PRCP: variants seen among roughly 807,000 people sequenced by gnomAD.
PRCP encodes the protein lysosomal Pro-X carboxypeptidase.
In PRCP, 46 loss-of-function variants were observed where a neutral mutation model predicts 54.2. That is an observed-to-expected ratio of 0.85 (90% confidence interval 0.67 to 1.09). The LOEUF is 1.09. Ranked by LOEUF, PRCP falls within the 50% of genes least tolerant of loss-of-function variation. The pLI, the probability that PRCP is intolerant of heterozygous loss-of-function variation, is 0.00. For synonymous variants in PRCP, 240 were observed against 212.2 expected, an observed-to-expected ratio of 1.13 and a Z score of -1.14; for missense variants, 613 against 596.8, an observed-to-expected ratio of 1.03 and a Z score of -0.28.
rs1232459586 is a variant in PRCP at position 82,824,836 on chromosome 11, G to C, written c.*70C>G. On this transcript the variant is annotated 3_prime_UTR_variant, in exon 9 of 9. Transcript: ENST00000313010. ...AAACAAAAGAAGGTAATTACATGTA[G>C]AAAATCAAAGTGAATGGGAATGTGG... 2 of 1,446,090 alleles carry C rather than the reference G, an allele frequency of 1.4e-6. No homozygotes were observed. The highest frequency in any genetic ancestry group is 1.9e-6 in the Non-Finnish European group (2 of 1,054,746). The allele number at this position is 1,446,090 out of a possible 1,614,324, so 89.6% of individuals were successfully genotyped here.
intron 1 of PRCP, among the ~76,000 whole-genome samples, chr11:82,896,430 C>T (rs1297094805): frequency 6.6e-6 from 1 of 152,090 alleles, no homozygotes; most frequent in Admixed American, 6.5e-5. Flanking sequence ...CTTCCCCTCA[C>T]TTTGGGAGGC....
chr11:82,833,222 G>A (rs773702734), intron 8 of PRCP, among the ~76,000 whole-genome samples: 3 of 152,162 alleles, frequency 2.0e-5, no homozygotes, highest in Non-Finnish European at 4.4e-5. Flanking sequence ...CAATCTCATG[G>A]GGCAGATAGA....
At chr11:82,857,261 C>G (rs1859113828) in intron 2 of PRCP, among the ~76,000 whole-genome samples, 1 of 152,160 alleles carries the variant, frequency 6.6e-6, no homozygotes, top group Non-Finnish European at 1.5e-5. Context: ...TATAATGTGT[C>G]AGGCACTGTT....
At chr11:82,882,535 G>A (rs962994872) in intron 1 of PRCP, among the ~76,000 whole-genome samples, 1 of 134,474 alleles carries the variant, frequency 7.4e-6, no homozygotes, top group Non-Finnish European at 1.5e-5. Context: ...TCGCTCTGTC[G>A]CCCAGGCTGG....
At chr11:82,867,030 T>C (rs1366117355) in intron 1 of PRCP, among the ~76,000 whole-genome samples, 1 of 152,188 alleles carries the variant, frequency 6.6e-6, no homozygotes, top group Admixed American at 6.5e-5. Flanking sequence ...CCATAGATAA[T>C]TGCTCAACTG....
At chr11:82,864,527 G>A (rs748193110) in intron 1 of PRCP, among the ~76,000 whole-genome samples, 2 of 152,214 alleles carry the variant, frequency 1.3e-5, no homozygotes, top group South Asian at 2.1e-4. Flanking sequence ...AATTAGGCTC[G>A]AAGAGGTCAC....
Position 82,839,444 on chromosome 11 carries a change from A to G in PRCP, c.922-19T>C. ...ACACTACCTGTCATTTTAGAAAGAT[A>G]AATGGGGAAAGAGTCAGAATATGAA... is the stretch of plus-strand genomic sequence containing the variant. On this transcript the variant is annotated intron_variant, in intron 6 of 8. Coordinates refer to ENST00000313010, the MANE Select transcript of PRCP (RefSeq NM_005040.4). 1 of 1,595,342 alleles carries G rather than the reference A, an allele frequency of 6.3e-7. No individual in the cohort carries two copies. The highest frequency in any genetic ancestry group is 1.7e-5 in the Admixed American group (1 of 59,588).
At chr11:82,884,703 A>G in intron 1 of PRCP, 1 of 1,414,314 alleles carries the variant, frequency 7.1e-7, no homozygotes, top group Non-Finnish European at 9.8e-7. Flanking sequence ...GTGGAAAAAG[A>G]AGAGAATTTG....
At chr11:82,842,325 T>A (rs1407798763) in intron 6 of PRCP, among the ~76,000 whole-genome samples, 1 of 152,102 alleles carries the variant, frequency 6.6e-6, no homozygotes, top group Non-Finnish European at 1.5e-5. Context: ...AGAGAGAACA[T>A]CATGGTCAGA....
chr11:82,832,336 C>T (rs938966158), intron 8 of PRCP, among the ~76,000 whole-genome samples: 2 of 152,190 alleles, frequency 1.3e-5, no homozygotes, highest in Admixed American at 6.5e-5. Flanking sequence ...TAAAAATCTT[C>T]CTATTTCCCC....
intron 8 of PRCP, among the ~76,000 whole-genome samples, chr11:82,834,557 T>G (rs1183597312): frequency 6.6e-6 from 1 of 152,214 alleles, no homozygotes. Context: ...CTGGATGGAA[T>G]ACTATGCAGC....
chr11:82,874,431 C>T (rs1859552373), intron 1 of PRCP, among the ~76,000 whole-genome samples: 1 of 152,076 alleles, frequency 6.6e-6, no homozygotes, highest in African/African-American at 2.4e-5. Flanking sequence ...TGGCTCACAC[C>T]CGTGATCCCA....
chr11:82,838,274 C>T (rs1858572608), intron 8 of PRCP, 113 bp downstream of exon 8: 2 of 963,774 alleles, frequency 2.1e-6, no homozygotes, highest in African/African-American at 1.7e-5. Flanking sequence ...TGACAGGTAG[C>T]ACTGTTGTAT....
chr11:82,826,845 T>A (rs1407998833), intron 8 of PRCP: 1 of 152,224 alleles, frequency 6.6e-6, no homozygotes, highest in African/African-American at 2.4e-5. Context: ...TCTTAACTTG[T>A]GTGTTGTAGA....
chr11:82,893,318 A>G (rs1253588440), intron 1 of PRCP, among the ~76,000 whole-genome samples: 1 of 152,212 alleles, frequency 6.6e-6, no homozygotes, highest in Non-Finnish European at 1.5e-5. Flanking sequence ...TTGTTAGGTT[A>G]AGTGACCGAA....
intron 6 of PRCP, chr11:82,846,187 G>T (rs992343173): frequency 1.3e-5 from 2 of 152,140 alleles, no homozygotes; most frequent in African/African-American, 4.8e-5. Context: ...TGTATCAGAG[G>T]GAGGAGGAGT....
chr11:82,832,390 G>T (rs554995023), intron 8 of PRCP, among the ~76,000 whole-genome samples: 1 of 152,162 alleles, frequency 6.6e-6, no homozygotes, highest in South Asian at 2.1e-4. Context: ...TTTAATAATC[G>T]CCATTCTAAC....
chr11:82,900,720 C>T, upstream of PRCP: 1 of 534,324 alleles, frequency 1.9e-6, no homozygotes. Context: ...TCGCTGTAGC[C>T]CATGCTTTAT....
chr11:82,826,000 A>G (rs1858223290), intron 8 of PRCP: 1 of 152,218 alleles, frequency 6.6e-6, no homozygotes, highest in African/African-American at 2.4e-5. Flanking sequence ...GAATTTGTCC[A>G]TCTAAAACAC....
Sources: allele counts gnomAD v4.1 joint callset (sites outside exome capture counted in the v4.1 genomes callset), GRCh38; gene constraint gnomAD v4.1.1; transcripts MANE v1.5; gene names NCBI Gene and HGNC (gene_info 2026-07-23, HGNC 2026-07-21).